Variants in GCLC observed in about 807,000 individuals in gnomAD.
GCLC encodes the protein glutamate-cysteine ligase catalytic subunit, also known as glutamate--cysteine ligase catalytic subunit.
Under a neutral mutation model 81.5 loss-of-function variants are expected in GCLC, and 30 were observed. The observed-to-expected ratio is 0.37, with a 90% CI of 0.28 to 0.50. The LOEUF is 0.50. GCLC is among the 20% of genes least tolerant of loss of function. GCLC has a pLI of 0.96. For missense variants in GCLC, 556 were observed against 777.4 expected, an observed-to-expected ratio of 0.72 and a Z score of 3.39; for synonymous variants, 262 against 273.3, an observed-to-expected ratio of 0.96 and a Z score of 0.41.
chr6:53,540,234 T>C (rs1165662590), intron 1 of GCLC, among the ~76,000 whole-genome samples: 2 of 147,776 alleles, frequency 1.4e-5, no homozygotes, highest in South Asian at 4.2e-4. Flanking sequence ...TTATTCACAA[T>C]AGCCAAGATG....
At chr6:53,510,514 G>A (rs1245859482) in intron 6 of GCLC, 2 of 150,612 alleles carry the variant, frequency 1.3e-5, no homozygotes, top group Non-Finnish European at 2.9e-5. Context: ...AATTGTGTTT[G>A]TTAGCACATT....
At chr6:53,532,386 C>A (rs377499548) in intron 1 of GCLC, among the ~76,000 whole-genome samples, 52 of 152,196 alleles carry the variant, frequency 3.4e-4, no homozygotes, top group African/African-American at 1.2e-3. Context: ...AAGCGATCTG[C>A]GTATAGGCCT....
rs375273774 is a variant in GCLC at position 53,498,718 on chromosome 6, C to G, written c.*38G>C. 40 of 1,252,682 alleles carry G rather than the reference C, an allele frequency of 3.2e-5. No individual in the cohort carries two copies. The African/African-American group carries it at 5.7e-4, about 18-fold the overall frequency. The allele number at this position is 1,252,682 out of a possible 1,614,324, so 77.6% of individuals were successfully genotyped here. A position where few individuals can be genotyped will look rare whatever the true frequency, so the allele number is the denominator to read the frequency against. On this transcript the variant is annotated 3_prime_UTR_variant, in exon 16 of 16. Transcript: ENST00000650454. ...TGGCTGAGAGGCATGGTACTGTAGC[C>G]AGTTCGTCAATAATGCATTTTTCTT...
At position 53,506,471 on chromosome 6, in the gene GCLC, G is replaced by A; in HGVS notation, c.1197+442C>T. On this transcript the variant is annotated intron_variant, in intron 10 of 15. Transcript: ENST00000650454. This position sits in a 1 kb window ranked among gnomAD's most constrained non-coding sequence, Gnocchi z 4.0. Reference sequence around the variant, plus strand: ...GGGGGAAAGAAAGGGGATATAGATGGTATTTCAAAAGGTATATATGTCAAT... The same window carrying A: ...GGGGGAAAGAAAGGGGATATAGATGATATTTCAAAAGGTATATATGTCAAT... 4 of 219,024 alleles carry A rather than the reference G, an allele frequency of 1.8e-5. No homozygotes were observed. The South Asian group carries it at 2.7e-4, about 15-fold the overall frequency. 13.6% of individuals were successfully genotyped at this position (219,024 alleles called of 1,614,324 possible).
At chr6:53,541,306 C>T (rs911552953) in intron 1 of GCLC, among the ~76,000 whole-genome samples, 13 of 152,096 alleles carry the variant, frequency 8.5e-5, no homozygotes, top group South Asian at 2.1e-4. Context: ...AGAACAAGCG[C>T]GGGGGAGACC....
chr6:53,528,644 T>G (rs920527046), intron 1 of GCLC, among the ~76,000 whole-genome samples: 1 of 152,226 alleles, frequency 6.6e-6, no homozygotes, highest in Admixed American at 6.5e-5. Context: ...CTATTCATAC[T>G]AAAGAATTTC....
chr6:53,504,940 G>A (rs1386583636), intron 12 of GCLC, among the ~76,000 whole-genome samples: 1 of 152,112 alleles, frequency 6.6e-6, no homozygotes, highest in Non-Finnish European at 1.5e-5. Flanking sequence ...TCATCACCTG[G>A]AGTTGTTTTG....
At chr6:53,520,456 T>C (rs1762971062) in intron 3 of GCLC, among the ~76,000 whole-genome samples, 1 of 152,188 alleles carries the variant, frequency 6.6e-6, no homozygotes, top group Non-Finnish European at 1.5e-5. Flanking sequence ...GTCAGAACTG[T>C]GTGGCAGGCG....
At chr6:53,501,889 C>CA (rs1764520687) in intron 12 of GCLC, among the ~76,000 whole-genome samples, 1 of 152,184 alleles carries the variant, frequency 6.6e-6, no homozygotes, top group Non-Finnish European at 1.5e-5. Context: ...TTTAGATACT[C>CA]AATGACTTAG....
intron 12 of GCLC, among the ~76,000 whole-genome samples, chr6:53,502,101 T>G (rs1056068371): frequency 6.6e-6 from 1 of 152,258 alleles, no homozygotes; most frequent in Non-Finnish European, 1.5e-5. Flanking sequence ...GAACGCATGC[T>G]GTATTATGTC....
At chr6:53,511,850 C>T (rs542914) in intron 6 of GCLC, among the ~76,000 whole-genome samples, 1 of 119,390 alleles carries the variant, frequency 8.4e-6, no homozygotes, top group Admixed American at 1.1e-4. Context: ...GAAACTGAAA[C>T]ATCTAATCTA....
At chr6:53,520,612 G>A (rs1037500825) in intron 3 of GCLC, among the ~76,000 whole-genome samples, 166 bp downstream of exon 3, 1 of 152,216 alleles carries the variant, frequency 6.6e-6, no homozygotes, top group African/African-American at 2.4e-5. Context: ...GCATGCAACT[G>A]TGTCTGCAGC....
intron 1 of GCLC, among the ~76,000 whole-genome samples, chr6:53,537,538 A>AGGCTGC (rs1763276115): frequency 6.6e-6 from 1 of 152,158 alleles, no homozygotes; most frequent in African/African-American, 2.4e-5. Flanking sequence ...TGAGCCTGGG[A>AGGCTGC]GGCTGCGGCT....
At chr6:53,533,719 C>T (rs1263314734) in intron 1 of GCLC, among the ~76,000 whole-genome samples, 1 of 133,506 alleles carries the variant, frequency 7.5e-6, no homozygotes, top group Non-Finnish European at 1.6e-5. Context: ...TTCAAAACAC[C>T]AAATGATAGG....
chr6:53,519,471 C>T (rs1350337404), intron 3 of GCLC, among the ~76,000 whole-genome samples: 1 of 141,304 alleles, frequency 7.1e-6, no homozygotes, highest in Non-Finnish European at 1.5e-5. Context: ...GTACTCTTTG[C>T]TCCCCATCTC....
chr6:53,535,617 A>C (rs955558372), intron 1 of GCLC, among the ~76,000 whole-genome samples: 4 of 152,274 alleles, frequency 2.6e-5, no homozygotes, highest in Non-Finnish European at 5.9e-5. Context: ...TCCAAAATAT[A>C]GAGAACGCTC....
At chr6:53,507,656 T>TA (rs1764642836) in intron 8 of GCLC, 38 bp from the exon 9 acceptor site, 2 of 883,566 alleles carry the variant, frequency 2.3e-6, no homozygotes, top group East Asian at 5.4e-5. Context: ...ATATGCTATA[T>TA]AAAATGAGTG....
Position 53,506,053 on chromosome 6 carries a change from T to C in GCLC, c.1198-158A>G, listed in dbSNP as rs902625576. 3 of 655,410 alleles carry C rather than the reference T, an allele frequency of 4.6e-6. No homozygotes were observed. The African/African-American group carries it at 5.4e-5, about 12-fold the overall frequency. The allele number at this position is 655,410 out of a possible 1,614,324, so 40.6% of individuals were successfully genotyped here. A position where few individuals can be genotyped will look rare whatever the true frequency, so the allele number is the denominator to read the frequency against. ...TACAATTGAAGATTTTCTTCGAGTGTGCTCTTTTAGGAAAACAAAACAGCC... is the reference window on the plus strand; with the variant it reads ...TACAATTGAAGATTTTCTTCGAGTGCGCTCTTTTAGGAAAACAAAACAGCC... On this transcript the variant is annotated intron_variant, in intron 10 of 15. Coordinates refer to ENST00000650454, the MANE Select transcript of GCLC (RefSeq NM_001498.4). This position sits in a 1 kb window ranked among gnomAD's most constrained non-coding sequence, Gnocchi z 4.0.
chr6:53,538,515 TAG>T (rs1045801136), intron 1 of GCLC, among the ~76,000 whole-genome samples: 3 of 152,076 alleles, frequency 2.0e-5, no homozygotes, highest in Admixed American at 1.3e-4. Flanking sequence ...GTATTTTTAG[TAG>T]AGACAAGGTT....
Sources: gnomAD v4.1 joint callset for allele counts (sites outside exome capture counted in the v4.1 genomes callset) on GRCh38, gnomAD v4.1.1 for gene constraint, Gnocchi (gnomAD v3.1) non-coding constraint, MANE v1.5 for transcripts, NCBI Gene and HGNC (gene_info 2026-07-23, HGNC 2026-07-21) for gene names.